The following DPP6 variants were observed in gnomAD, a reference collection of about 807,000 sequenced individuals.
The protein encoded by DPP6 is dipeptidyl peptidase like 6.
In DPP6, 69 loss-of-function variants were observed where a neutral mutation model predicts 122.6. That is an observed-to-expected ratio of 0.56 (90% CI 0.46 to 0.69). DPP6 has a LOEUF of 0.69. Among genes scored for constraint, DPP6 ranks in the 30% least tolerant of loss-of-function variants. DPP6 has a pLI of 0.00. For missense variants in DPP6, 928 were observed against 1,116.9 expected, an observed-to-expected ratio of 0.83 and a Z score of 2.41; for synonymous variants, 418 against 433.1, an observed-to-expected ratio of 0.97 and a Z score of 0.43.
intron 7 of DPP6, among the ~76,000 whole-genome samples, chr7:154,722,244 C>G (rs566245559): frequency 1.3e-5 from 2 of 152,214 alleles, no homozygotes; most frequent in Non-Finnish European, 2.9e-5. Flanking sequence ...TCTCTGCTGA[C>G]AAATGGAGAA....
the DPP6 span, among the ~76,000 whole-genome samples, chr7:153,811,181 C>A: frequency 6.6e-6 from 1 of 152,198 alleles, no homozygotes; most frequent in Non-Finnish European, 1.5e-5. Flanking sequence ...GACCAGCTCA[C>A]CCACCTCACT....
At chr7:154,750,873 AG>A (rs1340086065) in intron 8 of DPP6, among the ~76,000 whole-genome samples, 1 of 152,102 alleles carries the variant, frequency 6.6e-6, no homozygotes, top group African/African-American at 2.4e-5. Flanking sequence ...TGCAGGTGTA[AG>A]GAGAAGGACG....
the DPP6 span, among the ~76,000 whole-genome samples, chr7:153,786,694 G>A: frequency 8.8e-4 from 122 of 138,268 alleles, 1 homozygote; most frequent in South Asian, 5.2e-3. Flanking sequence ...AGCCGAGACC[G>A]CGCCACTGCA....
At chr7:153,832,576 C>T in the DPP6 span, among the ~76,000 whole-genome samples, 1 of 152,166 alleles carries the variant, frequency 6.6e-6, no homozygotes, top group Non-Finnish European at 1.5e-5. Flanking sequence ...TGCCTGATGC[C>T]AAGGACTTAG....
intron 1 of DPP6, among the ~76,000 whole-genome samples, chr7:154,140,640 A>G (rs1795798265): frequency 6.6e-6 from 1 of 152,166 alleles, no homozygotes; most frequent in African/African-American, 2.4e-5. Flanking sequence ...TTAAAGTACA[A>G]GGAGGATTCA....
At chr7:154,155,312 G>A (rs1796624299) in intron 1 of DPP6, among the ~76,000 whole-genome samples, 3 of 152,222 alleles carry the variant, frequency 2.0e-5, no homozygotes, top group Admixed American at 2.0e-4. Context: ...GAGGTTGCTA[G>A]GTAGAGCCTG....
At chr7:154,032,962 T>G (rs529417671) in intron 1 of DPP6, among the ~76,000 whole-genome samples, 108 of 151,588 alleles carry the variant, frequency 7.1e-4, no homozygotes, top group African/African-American at 2.4e-3. Context: ...TGTGGCTGCC[T>G]TTGAAGGTGG....
chr7:153,851,011 C>T, the DPP6 span, among the ~76,000 whole-genome samples: 1 of 152,110 alleles, frequency 6.6e-6, no homozygotes, highest in Non-Finnish European at 1.5e-5. Context: ...TCATTTTTTT[C>T]CTGTCACATT....
At chr7:153,987,192 A>G (rs71530438) in intron 1 of DPP6, among the ~76,000 whole-genome samples, 8 of 152,254 alleles carry the variant, frequency 5.3e-5, no homozygotes, top group East Asian at 1.9e-4. Context: ...TGATTAAACC[A>G]AAGAACTCTC....
the DPP6 span, among the ~76,000 whole-genome samples, chr7:153,805,592 T>C: frequency 1.3e-5 from 2 of 152,170 alleles, no homozygotes; most frequent in African/African-American, 4.8e-5. Flanking sequence ...GGTCAAATGG[T>C]ATTTCTAGCC....
At chr7:154,586,303 T>C (rs1832443215) in intron 5 of DPP6, among the ~76,000 whole-genome samples, 1 of 152,170 alleles carries the variant, frequency 6.6e-6, no homozygotes, top group Non-Finnish European at 1.5e-5. Context: ...GTTGAACTTA[T>C]TGCCTTGAGA....
At chr7:154,515,114 C>G (rs1284630063) in intron 3 of DPP6, among the ~76,000 whole-genome samples, 1 of 152,174 alleles carries the variant, frequency 6.6e-6, no homozygotes, top group Admixed American at 6.5e-5. Flanking sequence ...ACACTTGTCT[C>G]TCTTCAATGG....
At chr7:153,956,924 C>T (rs1487147862) in intron 1 of DPP6, among the ~76,000 whole-genome samples, 1 of 152,106 alleles carries the variant, frequency 6.6e-6, no homozygotes, top group Non-Finnish European at 1.5e-5. Context: ...CCTTTGGTAG[C>T]AAGGCTCTTA....
At chr7:154,591,327 AG>A (rs1391806136) in intron 5 of DPP6, among the ~76,000 whole-genome samples, 1 of 152,228 alleles carries the variant, frequency 6.6e-6, no homozygotes, top group African/African-American at 2.4e-5. Context: ...TCATGGGTCT[AG>A]CCCTAATGAT....
chr7:154,172,774 A>AT (rs1035940202), intron 1 of DPP6, among the ~76,000 whole-genome samples: 1 of 151,364 alleles, frequency 6.6e-6, no homozygotes, highest in African/African-American at 2.4e-5. Context: ...TAAATTTTGT[A>AT]TTTTTTTGTA....
intron 1 of DPP6, among the ~76,000 whole-genome samples, chr7:153,918,580 C>CACAG (rs1252718507): frequency 1.6e-4 from 6 of 37,540 alleles, no homozygotes; most frequent in African/African-American, 5.7e-4. Flanking sequence ...CTCTCTCTCT[C>CACAG]TCTCTCTCTC....
chr7:154,115,605 C>T (rs1050463474), intron 1 of DPP6, among the ~76,000 whole-genome samples: 12 of 152,156 alleles, frequency 7.9e-5, no homozygotes, highest in African/African-American at 2.2e-4. Context: ...AAAGTTCACA[C>T]GGACTGTAAA....
At chr7:154,548,287 G>A (rs1011804714) in intron 4 of DPP6, among the ~76,000 whole-genome samples, 1 of 151,614 alleles carries the variant, frequency 6.6e-6, no homozygotes, top group African/African-American at 2.4e-5. Context: ...AAAAGAGGCC[G>A]GGCGCAGTGG....
chr7:154,785,570 T>C (rs1471751686), intron 10 of DPP6, among the ~76,000 whole-genome samples: 1 of 152,218 alleles, frequency 6.6e-6, no homozygotes, highest in East Asian at 1.9e-4. Context: ...TCCCAATTTG[T>C]AAACTGAGAT....
Sources: gnomAD v4.1 joint callset for allele counts (sites outside exome capture counted in the v4.1 genomes callset) on GRCh38, gnomAD v4.1.1 for gene constraint, MANE v1.5 for transcripts, NCBI Gene and HGNC (gene_info 2026-07-23, HGNC 2026-07-21) for gene names.